Variants in TMPRSS2 observed in about 807,000 individuals in gnomAD.
TMPRSS2 encodes transmembrane serine protease 2, also known as transmembrane protease serine 2.
In TMPRSS2, 59 loss-of-function variants were observed where a neutral mutation model predicts 67.4. That is an observed-to-expected ratio of 0.88 (90% CI 0.71 to 1.09). The LOEUF (loss-of-function observed/expected upper bound fraction) is 1.09. Among genes scored for constraint, TMPRSS2 ranks in the 50% least tolerant of loss-of-function variants. The probability of loss-of-function intolerance (pLI) is 0.00; values close to 1 mark genes in which losing one functional copy is unlikely to be tolerated. For missense variants in TMPRSS2, 668 were observed against 642.7 expected (o/e 1.04, Z -0.43); for synonymous variants, 257 against 257.0 (o/e 1.00, Z 0.00).
intron 1 of TMPRSS2, among the ~76,000 whole-genome samples, chr21:41,500,175 G>T (rs1395409855): frequency 6.6e-6 from 1 of 152,194 alleles, no homozygotes; most frequent in South Asian, 2.1e-4. Context: ...GCTATTGAAG[G>T]TTCTGTGCCT....
intron 11 of TMPRSS2, among the ~76,000 whole-genome samples, chr21:41,469,822 C>T (rs1323929886): frequency 6.6e-6 from 1 of 152,168 alleles, no homozygotes; most frequent in Non-Finnish European, 1.5e-5. Context: ...TCTGCATTCC[C>T]AGCACCTGAG....
At chr21:41,501,868 A>G (rs1019475127) in intron 1 of TMPRSS2, among the ~76,000 whole-genome samples, 5 of 152,386 alleles carry the variant, frequency 3.3e-5, no homozygotes, top group African/African-American at 1.2e-4. Context: ...AATGCTGTTT[A>G]GCGAATGCTT....
intron 1 of TMPRSS2, among the ~76,000 whole-genome samples, chr21:41,500,588 C>G (rs1037718523): frequency 4.6e-5 from 7 of 152,156 alleles, no homozygotes; most frequent in Non-Finnish European, 1.0e-4. Context: ...CAACAGGTTA[C>G]AACAAACATG....
At chr21:41,498,413 C>G (rs2091401038) in intron 1 of TMPRSS2, among the ~76,000 whole-genome samples, 1 of 152,168 alleles carries the variant, frequency 6.6e-6, no homozygotes, top group Admixed American at 6.5e-5. Flanking sequence ...CAGAAGCACT[C>G]TCCTCTGGGA....
Position 41,494,587 on chromosome 21 carries a change from T to G in TMPRSS2, c.16-9A>C. On this transcript the variant is annotated splice_polypyrimidine_tract_variant and intron_variant, in intron 2 of 13. Coordinates refer to ENST00000332149, the MANE Select transcript of TMPRSS2 (RefSeq NM_005656.4). The stretch of plus-strand genomic sequence containing the variant: ...ATAGCTGGTGGTGACCCCTAAACAG[T>G]TGAAAAGAAGATGAATAATATAAAA... 6.2e-7 allele frequency: 1 copy of G among 1,611,892 alleles called. No individual in the cohort carries two copies. The highest frequency in any genetic ancestry group is 8.5e-7 in the Non-Finnish European group (1 of 1,179,022).
intron 5 of TMPRSS2, chr21:41,487,554 A>G (rs2091307621): frequency 6.6e-6 from 1 of 152,218 alleles, no homozygotes; most frequent in Admixed American, 6.5e-5. Flanking sequence ...TGTTCTTAAT[A>G]AGACACGTAT....
chr21:41,494,650 C>T (rs2091366300), intron 2 of TMPRSS2, 72 bp from the exon 3 acceptor site: 2 of 1,290,632 alleles, frequency 1.5e-6, no homozygotes, highest in Non-Finnish European at 2.2e-6. Context: ...CAAACTATCA[C>T]ATCATACCAC....
chr21:41,482,788 C>T (rs1309520200), intron 5 of TMPRSS2, among the ~76,000 whole-genome samples: 2 of 152,132 alleles, frequency 1.3e-5, no homozygotes, highest in East Asian at 1.9e-4. Context: ...CATGAAAAGG[C>T]ATGGAGGAAA....
chr21:41,470,672 C>A lies in TMPRSS2; in HGVS notation c.1147G>T (p.Gly383Trp). ...CCTTTCTCCTCGGTGGCCCCCCACC[C>A]GGAAATCCAGCAGAGCTGTTCTGGC... ...LQPEQLCWIS[G>W]WGATEEKGKT... The change falls in exon 11 of 14, where the codon GGG (glycine) becomes TGG (tryptophan). Residue 383 changes from glycine to tryptophan, a missense_variant. Gly to Trp is a radical substitution (Grantham distance 184). Transcript: ENST00000332149. 1 of 1,613,564 alleles carries A rather than the reference C, an allele frequency of 6.2e-7. No homozygotes were observed. The highest frequency in any genetic ancestry group is 8.5e-7 in the Non-Finnish European group (1 of 1,179,970).
intron 5 of TMPRSS2, among the ~76,000 whole-genome samples, chr21:41,485,138 C>A (rs1869539145): frequency 6.8e-6 from 1 of 146,428 alleles, no homozygotes; most frequent in Non-Finnish European, 1.5e-5. Context: ...TGGGGGGATG[C>A]GGGGTAGGTA....
At chr21:41,499,619 T>C (rs2091409847) in intron 1 of TMPRSS2, among the ~76,000 whole-genome samples, 1 of 128,930 alleles carries the variant, frequency 7.8e-6, no homozygotes, top group Non-Finnish European at 1.8e-5. Flanking sequence ...CTCTTTGTGA[T>C]TTTTCCACCC....
At chr21:41,502,462 G>T (rs1667019115) in intron 1 of TMPRSS2, 1 of 985,182 alleles carries the variant, frequency 1.0e-6, no homozygotes, top group African/African-American at 1.7e-5. Flanking sequence ...GTGTGAGAGG[G>T]AACAGACAGC....
At chr21:41,498,052 T>A (rs772037954) in intron 2 of TMPRSS2, 67 bp downstream of exon 2, 1 of 1,243,044 alleles carries the variant, frequency 8.0e-7, no homozygotes, top group Non-Finnish European at 1.2e-6. Context: ...CCCCAAACAA[T>A]GTTGGGAATA....
chr21:41,468,804 A>G, intron 11 of TMPRSS2: 1 of 422,284 alleles, frequency 2.4e-6, no homozygotes, highest in Non-Finnish European at 4.3e-6. Flanking sequence ...ATAGGGCTCT[A>G]TCAGTGCCAT....
In TMPRSS2 at chr21:41,501,777, C is replaced by T. The variant is rs142119028; in HGVS notation, c.-56-3588G>A. Among the ~76,000 whole-genome samples, 194 of 152,322 alleles carry T rather than the reference C, an allele frequency of 1.3e-3. 1 individual carries two copies. The highest frequency in any genetic ancestry group is 4.3e-3 in the African/African-American group (178 of 41,570). ...CAGTCCTGTTCATCTTCAAAACAGG[C>T]ATTTCCTCATTCACACAAGCTTGTA... On this transcript the variant is annotated intron_variant, in intron 1 of 13. Coordinates refer to ENST00000332149, the MANE Select transcript of TMPRSS2 (RefSeq NM_005656.4).
At chr21:41,488,261 A>G in intron 5 of TMPRSS2, 133 bp downstream of exon 5, 3 of 1,084,840 alleles carry the variant, frequency 2.8e-6, no homozygotes, top group South Asian at 3.4e-5. Flanking sequence ...CTCAGCCTGG[A>G]GCAGGGATTC....
chr21:41,504,930 A>T (rs2146512501), intron 1 of TMPRSS2, among the ~76,000 whole-genome samples: 1 of 152,106 alleles, frequency 6.6e-6, no homozygotes, highest in African/African-American at 2.4e-5. Flanking sequence ...GAAAGTAAGG[A>T]GGGGCGGGGA....
At chr21:41,479,997 T>A (rs1230189908) in intron 6 of TMPRSS2, among the ~76,000 whole-genome samples, 1 of 152,134 alleles carries the variant, frequency 6.6e-6, no homozygotes, top group Non-Finnish European at 1.5e-5. Context: ...TCAGTCTGAT[T>A]GATTGATTCT....
In TMPRSS2 at chr21:41,464,471, C is replaced by G. The variant is rs1323923551; in HGVS notation, c.*1671G>C. The G allele has an allele frequency of 5.2e-6, 1 of 193,020 alleles. No individual in the cohort carries two copies. Among genetic ancestry groups the G allele is most frequent in the Admixed American group, 6.1e-5 (1 of 16,384 alleles). 12.0% of individuals were successfully genotyped at this position (193,020 alleles called of 1,614,324 possible). A position where few individuals can be genotyped will look rare whatever the true frequency, so the allele number is the denominator to read the frequency against. On this transcript the variant is annotated 3_prime_UTR_variant, in exon 14 of 14. Coordinates refer to ENST00000332149, the MANE Select transcript of TMPRSS2 (RefSeq NM_005656.4). The stretch of plus-strand genomic sequence containing the variant: ...CCTTGCCTCACCTTTGGTCCTCTGA[C>G]CAGCAGCCTCAACATCACCCCCTTA...
Sources: gnomAD v4.1 joint callset for allele counts (sites outside exome capture counted in the v4.1 genomes callset) on GRCh38, gnomAD v4.1.1 for gene constraint, MANE v1.5 for transcripts, NCBI Gene and HGNC (gene_info 2026-07-23, HGNC 2026-07-21) for gene names.